MATN2: variants seen among roughly 807,000 people sequenced by gnomAD.
MATN2 encodes the protein matrilin 2.
Under a neutral mutation model 103.2 loss-of-function variants are expected in MATN2, and 69 were observed. The observed-to-expected ratio is 0.67, with a 90% confidence interval of 0.55 to 0.82. MATN2 has a LOEUF of 0.82. Ranked by LOEUF, MATN2 falls within the 40% of genes least tolerant of loss-of-function variation. The probability of loss-of-function intolerance (pLI) is 0.00; values close to 1 mark genes in which losing one functional copy is unlikely to be tolerated. For synonymous variants in MATN2, 429 were observed against 450.2 expected, an observed-to-expected ratio of 0.95 and a Z score of 0.60; for missense variants, 1,023 against 1,211.5, an observed-to-expected ratio of 0.84 and a Z score of 2.31.
chr8:97,960,752 G>A (rs1811284984), intron 4 of MATN2, among the ~76,000 whole-genome samples: 1 of 152,122 alleles, frequency 6.6e-6, no homozygotes, highest in South Asian at 2.1e-4. Flanking sequence ...GTGAGATTCT[G>A]TCTCAAAAAA....
At position 98,003,793 on chromosome 8, in the gene MATN2, C is replaced by T. The variant is rs766246572; in HGVS notation, c.1327+10C>T. 6.2e-7 allele frequency: 1 copy of T among 1,613,600 alleles called. No individual in the cohort carries two copies. Among genetic ancestry groups the T allele is most frequent in the South Asian group, 1.1e-5 (1 of 91,082 alleles). On this transcript the variant is annotated intron_variant, in intron 8 of 18. Coordinates refer to ENST00000254898, the MANE Select transcript of MATN2 (RefSeq NM_002380.5). ...GGCAAAACCTGCAGCCGTGAGTGTA[C>T]CCTAGGGGTGGGGTGCTGATGGAAG...
At chr8:97,946,720 A>G (rs1411743195) in intron 4 of MATN2, among the ~76,000 whole-genome samples, 3 of 152,214 alleles carry the variant, frequency 2.0e-5, no homozygotes, top group African/African-American at 7.2e-5. Context: ...TCCATTTGGC[A>G]GAAAATGTAG....
intron 4 of MATN2, among the ~76,000 whole-genome samples, chr8:97,955,748 G>A (rs544415326): frequency 6.6e-6 from 1 of 152,348 alleles, no homozygotes; most frequent in Non-Finnish European, 1.5e-5. Flanking sequence ...AGAGAGATGA[G>A]TTAGGAACAC....
rs1162634619 is a variant in MATN2 at position 97,941,779 on chromosome 8, G to T, written c.715G>T (p.Ala239Ser). 12 of 1,590,186 alleles carry T rather than the reference G, an allele frequency of 7.5e-6. No individual in the cohort carries two copies. The highest frequency in any genetic ancestry group is 7.7e-6 in the Non-Finnish European group (9 of 1,168,108). The change falls in exon 4 of 19, where the codon GCC becomes TCC. Residue 239 changes from alanine (A) to serine (S), a missense_variant and splice_region_variant. Ala to Ser is a moderately conservative substitution (Grantham distance 99, BLOSUM62 1). Transcript: ENST00000254898. ...CCTTCCTGTGTCTTCCCTTTCAGCG[G>T]CCCATATGTGCAGCACCCTGGAGCA... ...TSVFQKKLCT[A>S]HMCSTLEHNC...
intron 5 of MATN2, among the ~76,000 whole-genome samples, chr8:97,973,547 G>T (rs1586109306): frequency 6.8e-6 from 1 of 147,118 alleles, no homozygotes; most frequent in Non-Finnish European, 1.5e-5. Context: ...TTAAGTTGAA[G>T]AAAAAAGTAT....
At chr8:98,033,758 C>T (rs770161809) in intron 18 of MATN2, 99 bp downstream of exon 18, 43 of 821,340 alleles carry the variant, frequency 5.2e-5, no homozygotes, top group South Asian at 9.9e-5. Context: ...GTAAATCCCA[C>T]GAAGTCACAA....
At chr8:97,941,543 C>G (rs1211408477) in intron 3 of MATN2, among the ~76,000 whole-genome samples, 1 of 152,150 alleles carries the variant, frequency 6.6e-6, no homozygotes, top group African/African-American at 2.4e-5. Context: ...AATCAAGTAT[C>G]AGCAATTTCA....
chr8:97,938,848 ATG>A (rs1486120144), intron 3 of MATN2, among the ~76,000 whole-genome samples: 2 of 152,050 alleles, frequency 1.3e-5, no homozygotes, highest in Non-Finnish European at 2.9e-5. Flanking sequence ...GCCTTGTTTT[ATG>A]TGTGTTTCTG....
intron 7 of MATN2, among the ~76,000 whole-genome samples, chr8:97,997,817 G>GTTTTT (rs34347663): frequency 1.5e-5 from 2 of 133,652 alleles, no homozygotes; most frequent in Non-Finnish European, 3.2e-5. Context: ...TTTGGAGAAG[G>GTTTTT]TTTTTTTTTT....
chr8:97,917,048 T>C (rs530223366), intron 2 of MATN2, among the ~76,000 whole-genome samples: 1 of 152,244 alleles, frequency 6.6e-6, no homozygotes, highest in South Asian at 2.1e-4. Flanking sequence ...ACAACTGAAA[T>C]TTGAGCTGGT....
intron 2 of MATN2, among the ~76,000 whole-genome samples, chr8:97,907,966 T>C (rs1819237676): frequency 6.6e-6 from 1 of 152,050 alleles, no homozygotes. Flanking sequence ...GGTGAAACCT[T>C]GTCTCTACTA....
At chr8:98,019,611 C>T (rs1158099779) in intron 12 of MATN2, among the ~76,000 whole-genome samples, 3 of 152,152 alleles carry the variant, frequency 2.0e-5, no homozygotes, top group African/African-American at 7.2e-5. Flanking sequence ...ATCAAATTAA[C>T]CTTCACAGTA....
At chr8:98,017,952 G>A (rs943336901) in intron 11 of MATN2, 42 bp from the exon 12 acceptor site, 6 of 1,607,080 alleles carry the variant, frequency 3.7e-6, no homozygotes, top group Admixed American at 3.3e-5. Flanking sequence ...CATGTGAAAT[G>A]TATGTTGTTG....
intron 2 of MATN2, among the ~76,000 whole-genome samples, chr8:97,917,134 C>CA (rs2130093273): frequency 6.6e-6 from 1 of 152,256 alleles, no homozygotes; most frequent in East Asian, 1.9e-4. Context: ...AAGATGCACA[C>CA]CCATTCCCCA....
rs936795264 is a variant in MATN2, at chr8:97,907,588, C to T, written c.142+19346C>T. Among the ~76,000 whole-genome samples the T allele has an allele frequency of 4.6e-5, 7 of 151,818 alleles. 2 individuals are homozygous for T. In the South Asian group the frequency reaches 1.2e-3, roughly 27 times the overall value. ...CCACCCGCCTCGGCCTCCCAAAGTG[C>T]TGGGATTACAGGCGTGAGCCATGGT... On this transcript the variant is annotated intron_variant, in intron 2 of 18. Coordinates refer to ENST00000254898, the MANE Select transcript of MATN2 (RefSeq NM_002380.5).
At chr8:97,889,986 C>A (rs1218387243) in intron 2 of MATN2, among the ~76,000 whole-genome samples, 1 of 152,170 alleles carries the variant, frequency 6.6e-6, no homozygotes, top group Non-Finnish European at 1.5e-5. Flanking sequence ...GCTAAAGGCA[C>A]CAACCCTGCA....
At chr8:97,880,017 A>G (rs1818200968) in intron 1 of MATN2, among the ~76,000 whole-genome samples, 2 of 152,296 alleles carry the variant, frequency 1.3e-5, no homozygotes, top group Middle Eastern at 6.8e-3. Context: ...TATGCTGACA[A>G]AGAGATCTTT....
intron 6 of MATN2, among the ~76,000 whole-genome samples, chr8:97,984,010 C>A (rs1365127675): frequency 6.6e-6 from 1 of 152,172 alleles, no homozygotes; most frequent in Admixed American, 6.5e-5. Context: ...GGTTTCTTGG[C>A]CAGAGCATAG....
rs376203275 is a variant in MATN2, at chr8:97,937,583, C to CTTTTT, written c.713-4175_713-4171dup. On this transcript the variant is annotated intron_variant, in intron 3 of 18. Coordinates refer to ENST00000254898, the MANE Select transcript of MATN2 (RefSeq NM_002380.5). Reference sequence around the variant, plus strand: ...TCTTTTAATTCCCCCTCCCCACTAACTTTTTTTTTTTTTTTTTTTTTTTGA... The same window carrying CTTTTT: ...TCTTTTAATTCCCCCTCCCCACTAACTTTTTTTTTTTTTTTTTTTTTTTTTTTTGA... Among the ~76,000 whole-genome samples, 532 of 89,798 alleles carry CTTTTT rather than the reference C, an allele frequency of 5.9e-3. 13 individuals carry two copies. The highest frequency in any genetic ancestry group is 9.3e-3 in the African/African-American group (205 of 21,968). The allele number at this position is 89,798 out of a possible 152,430, so 58.9% of individuals were successfully genotyped here. A position where few individuals can be genotyped will look rare whatever the true frequency, so the allele number is the denominator to read the frequency against.
Sources: gnomAD v4.1 joint callset for allele counts (sites outside exome capture counted in the v4.1 genomes callset) on GRCh38, gnomAD v4.1.1 for gene constraint, MANE v1.5 for transcripts, NCBI Gene and HGNC (gene_info 2026-07-23, HGNC 2026-07-21) for gene names.